Variants in CAST observed in about 807,000 individuals in gnomAD.
CAST encodes the protein calpastatin.
CAST carries 76 observed loss-of-function variants against 119.6 expected under a neutral mutation model. That is an observed-to-expected ratio of 0.64 (90% CI 0.53 to 0.77). The LOEUF is 0.77. Ranked by LOEUF, CAST falls within the 30% of genes least tolerant of loss-of-function variation. The pLI is 0.00. For missense variants in CAST, 953 were observed against 946.5 expected, an observed-to-expected ratio of 1.01 and a Z score of -0.09; for synonymous variants, 319 against 331.6, an observed-to-expected ratio of 0.96 and a Z score of 0.41.
chr5:96,325,759 T>C, the CAST span, among the ~76,000 whole-genome samples: 2 of 152,200 alleles, frequency 1.3e-5, no homozygotes, highest in Admixed American at 6.5e-5. Flanking sequence ...GGATTACAGA[T>C]GTGAGCCACC....
intron 9 of CAST, among the ~76,000 whole-genome samples, chr5:96,735,886 G>A (rs371148832): frequency 6.6e-6 from 1 of 152,164 alleles, no homozygotes; most frequent in African/African-American, 2.4e-5. Flanking sequence ...GAAGAACAGC[G>A]AGGAAAGAAA....
the CAST span, among the ~76,000 whole-genome samples, chr5:96,395,403 G>A: frequency 3.3e-5 from 5 of 152,262 alleles, no homozygotes; most frequent in South Asian, 1.0e-3. Flanking sequence ...ACAACCTCTA[G>A]CATTAATAAG....
the CAST span, among the ~76,000 whole-genome samples, chr5:96,268,075 C>T: frequency 6.6e-6 from 1 of 151,894 alleles, no homozygotes; most frequent in African/African-American, 2.4e-5. Flanking sequence ...GTAAAAACCT[C>T]TAATAAATTC....
intron 29 of CAST, among the ~76,000 whole-genome samples, chr5:96,768,789 A>G (rs1357203562): frequency 6.6e-6 from 1 of 152,202 alleles, no homozygotes; most frequent in Non-Finnish European, 1.5e-5. Flanking sequence ...GCACAGCTCA[A>G]GCATCAGCTC....
the CAST span, among the ~76,000 whole-genome samples, chr5:96,158,967 A>G: frequency 3.9e-5 from 6 of 152,152 alleles, no homozygotes; most frequent in Non-Finnish European, 8.8e-5. Context: ...AACACTAGTG[A>G]TATTGCATTT....
the CAST span, among the ~76,000 whole-genome samples, chr5:96,179,795 G>A: frequency 6.6e-6 from 1 of 152,174 alleles, no homozygotes; most frequent in African/African-American, 2.4e-5. Flanking sequence ...CCAGCACTTT[G>A]GGAGGCCGAG....
the CAST span, among the ~76,000 whole-genome samples, chr5:96,112,648 G>T: frequency 2.0e-5 from 3 of 152,106 alleles, no homozygotes; most frequent in East Asian, 5.8e-4. Context: ...TTACAAATGG[G>T]TTACATCCTG....
At chr5:96,533,405 T>C (rs562588877) in intron 1 of CAST, among the ~76,000 whole-genome samples, 1 of 152,164 alleles carries the variant, frequency 6.6e-6, no homozygotes, top group Non-Finnish European at 1.5e-5. Flanking sequence ...CAAACTAGAC[T>C]AATAGTTCCC....
At chr5:96,643,048 T>C (rs1257880498) in intron 1 of CAST, among the ~76,000 whole-genome samples, 1 of 152,094 alleles carries the variant, frequency 6.6e-6, no homozygotes. Context: ...AATCAAGCAG[T>C]CTGCCTCTCT....
chr5:96,658,662 T>TTTATTTGCA (rs1748198038), upstream of CAST, among the ~76,000 whole-genome samples: 1 of 152,238 alleles, frequency 6.6e-6, no homozygotes, highest in South Asian at 2.1e-4. Context: ...GCAACCAGCA[T>TTTATTTGCA]TTATTTGCAC....
At chr5:96,657,963 G>C (rs537098866), upstream of CAST, among the ~76,000 whole-genome samples, 1 of 152,282 alleles carries the variant, frequency 6.6e-6, no homozygotes, top group South Asian at 2.1e-4. Flanking sequence ...TGACCGTGGT[G>C]GTGGGCACCT....
chr5:96,736,336 G>T, intron 10 of CAST, 96 bp downstream of exon 10: 2 of 690,826 alleles, frequency 2.9e-6, no homozygotes, highest in Non-Finnish European at 2.4e-6. Context: ...ATATGAGGGG[G>T]GTAATTTAAA....
the CAST span, among the ~76,000 whole-genome samples, chr5:96,381,492 G>A: frequency 6.6e-6 from 1 of 152,148 alleles, no homozygotes; most frequent in Non-Finnish European, 1.5e-5. Flanking sequence ...TCCCAAGCAA[G>A]GTAATGTATT....
the CAST span, among the ~76,000 whole-genome samples, chr5:96,111,530 C>A: frequency 6.6e-6 from 1 of 152,182 alleles, no homozygotes; most frequent in African/African-American, 2.4e-5. Context: ...TGGTAACCAG[C>A]CTCCATCCTT....
At chr5:95,998,914 GT>G in the CAST span, among the ~76,000 whole-genome samples, 4 of 152,004 alleles carry the variant, frequency 2.6e-5, no homozygotes, top group Admixed American at 2.6e-4. Flanking sequence ...ATTATCTGTT[GT>G]TTTTTGACAT....
the CAST span, among the ~76,000 whole-genome samples, chr5:96,457,047 C>A: frequency 5.9e-5 from 9 of 152,202 alleles, no homozygotes; most frequent in African/African-American, 2.2e-4. Context: ...ATAAATTACC[C>A]AGTCTCGAGT....
rs558048783 is a variant in CAST at position 96,753,995 on chromosome 5, G to A, written c.1525-65G>A. On this transcript the variant is annotated intron_variant, in intron 20 of 31. Transcript: ENST00000675179. Reference sequence around the variant, plus strand: ...AAATAATGATATGCCTTTCTGAATTGATAGCATATGTTTTAAAGGGAGTGA... The same window carrying A: ...AAATAATGATATGCCTTTCTGAATTAATAGCATATGTTTTAAAGGGAGTGA... 1.9e-5 allele frequency: 17 copies of A among 890,394 alleles called. No homozygotes were observed. In the Admixed American group the frequency reaches 2.1e-4, roughly 11 times the overall value. 55.2% of individuals were successfully genotyped at this position (890,394 alleles called of 1,614,324 possible).
chr5:96,269,470 G>A, the CAST span, among the ~76,000 whole-genome samples: 1 of 152,090 alleles, frequency 6.6e-6, no homozygotes, highest in Non-Finnish European at 1.5e-5. Flanking sequence ...GAGCCTAATT[G>A]ACTTTTACAG....
At chr5:95,966,438 G>C in the CAST span, among the ~76,000 whole-genome samples, 1 of 152,110 alleles carries the variant, frequency 6.6e-6, no homozygotes, top group Non-Finnish European at 1.5e-5. Flanking sequence ...ACTGGACTTG[G>C]GCTGTGCACT....
Sources: gnomAD v4.1 joint callset for allele counts (sites outside exome capture counted in the v4.1 genomes callset) on GRCh38, gnomAD v4.1.1 for gene constraint, MANE v1.5 for transcripts, NCBI Gene and HGNC (gene_info 2026-07-23, HGNC 2026-07-21) for gene names.